The following KIF26B variants were observed in gnomAD, a reference collection of about 807,000 sequenced individuals.
KIF26B encodes kinesin family member 26B.
In KIF26B, 63 loss-of-function variants were observed where a neutral mutation model predicts 151.2. That is an observed-to-expected ratio of 0.42 (90% CI 0.34 to 0.51). The LOEUF (loss-of-function observed/expected upper bound fraction) is 0.51, where lower values mean the gene tolerates loss of function less well. KIF26B is among the 20% of genes least tolerant of loss of function. The probability of loss-of-function intolerance (pLI) is 0.07; values close to 1 mark genes in which losing one functional copy is unlikely to be tolerated. For synonymous variants in KIF26B, 1,357 were observed against 1,262.1 expected (o/e 1.08, Z -1.59); for missense variants, 2,813 against 2,913.6 (o/e 0.97, Z 0.79).
chr1:245,242,852 A>G (rs1326439836), intron 2 of KIF26B, among the ~76,000 whole-genome samples: 2 of 152,094 alleles, frequency 1.3e-5, no homozygotes, highest in Admixed American at 6.6e-5. Context: ...GGGTTTCACC[A>G]TGTTGCTCAG....
intron 2 of KIF26B, among the ~76,000 whole-genome samples, chr1:245,223,980 GT>G (rs1289486669): frequency 1.3e-5 from 2 of 152,096 alleles, no homozygotes; most frequent in Non-Finnish European, 2.9e-5. Flanking sequence ...CTGAATACAT[GT>G]TCTTTTAATA....
At chr1:245,464,572 G>GGT (rs999415943) in intron 4 of KIF26B, among the ~76,000 whole-genome samples, 4 of 145,178 alleles carry the variant, frequency 2.8e-5, no homozygotes, top group Non-Finnish European at 4.5e-5. Flanking sequence ...TGGGTGTGTG[G>GGT]GTGTGTGTGC....
intron 2 of KIF26B, among the ~76,000 whole-genome samples, chr1:245,266,631 C>T (rs932181246): frequency 2.6e-5 from 4 of 152,040 alleles, no homozygotes; most frequent in Non-Finnish European, 2.9e-5. Flanking sequence ...TTCAGCCTCC[C>T]GATTAGCTGG....
At chr1:245,283,975 T>C (rs10924149) in intron 2 of KIF26B, among the ~76,000 whole-genome samples, 90,297 of 152,070 alleles carry the variant, frequency 0.59, 27,205 homozygotes, top group East Asian at 0.7. Flanking sequence ...CGTGAGCCGC[T>C]GCGCACCGCA....
chr1:245,619,687 A>C (rs111356749), intron 9 of KIF26B, among the ~76,000 whole-genome samples: 6,664 of 150,646 alleles, frequency 0.044, 222 homozygotes, highest in African/African-American at 0.082. Flanking sequence ...CTGAGGCCGG[A>C]GGATCACTTG....
At chr1:245,647,806 G>A (rs2043970559) in intron 10 of KIF26B, among the ~76,000 whole-genome samples, 2 of 152,144 alleles carry the variant, frequency 1.3e-5, no homozygotes, top group African/African-American at 4.8e-5. Flanking sequence ...AACCATTACT[G>A]GACTGACTTT....
At chr1:245,378,316 G>A (rs1424107133) in intron 3 of KIF26B, among the ~76,000 whole-genome samples, 1 of 151,372 alleles carries the variant, frequency 6.6e-6, no homozygotes, top group East Asian at 1.9e-4. Context: ...CCTTTTTGAT[G>A]TGGGTGAGAG....
At chr1:245,676,116 C>G (rs2044354328) in intron 10 of KIF26B, 1 of 152,128 alleles carries the variant, frequency 6.6e-6, no homozygotes, top group Non-Finnish European at 1.5e-5. Flanking sequence ...AAAGAGTTTT[C>G]AATCTTGACA....
rs1030565183 is a variant in KIF26B at position 245,512,123 on chromosome 1, G to A, written c.1167-28644G>A. ...TTTTAAAAAAAGTCCATACGGTAAT[G>A]TTAATGCAGCTATTTCTGGCTTCTT... On this transcript the variant is annotated intron_variant, in intron 4 of 14. Transcript: ENST00000407071. This position sits in a 1 kb window ranked among gnomAD's most constrained non-coding sequence, Gnocchi z 4.3. Among the ~76,000 whole-genome samples, 1 of 152,202 alleles carries A rather than the reference G, an allele frequency of 6.6e-6. No homozygotes were observed. The highest frequency in any genetic ancestry group is 2.4e-5 in the African/African-American group (1 of 41,450).
At chr1:245,619,628 T>C in intron 9 of KIF26B, among the ~76,000 whole-genome samples, 2 of 131,358 alleles carry the variant, frequency 1.5e-5, no homozygotes, top group African/African-American at 2.9e-5. Context: ...AAAAAGAATC[T>C]CTGGGCTGGG....
At chr1:245,324,498 C>T (rs544993189) in intron 2 of KIF26B, among the ~76,000 whole-genome samples, 2 of 152,284 alleles carry the variant, frequency 1.3e-5, no homozygotes, top group South Asian at 4.1e-4. Context: ...CTGCAGAGAA[C>T]ATTTTCTGTA....
chr1:245,299,861 G>A lies in KIF26B; in HGVS notation c.466-66973G>A, dbSNP rs77374778. Among the ~76,000 whole-genome samples the A allele has an allele frequency of 9.5e-3, 1,444 of 152,300 alleles. 28 individuals are homozygous for A. Among genetic ancestry groups the A allele is most frequent in the African/African-American group, 0.033 (1,361 of 41,560 alleles). On this transcript the variant is annotated intron_variant, in intron 2 of 14. Coordinates refer to ENST00000407071, the MANE Select transcript of KIF26B (RefSeq NM_018012.4). ...ACTAAATAAGTCTCCTTGTACTGTAGTAACTCTCATGACTAAGGTCTGCAG... is the reference window on the plus strand; with the variant it reads ...ACTAAATAAGTCTCCTTGTACTGTAATAACTCTCATGACTAAGGTCTGCAG...
intron 10 of KIF26B, among the ~76,000 whole-genome samples, chr1:245,661,515 A>G (rs10802238): frequency 0.68 from 102,669 of 151,286 alleles, 34,982 homozygotes; most frequent in East Asian, 0.82. Flanking sequence ...CACCATATAT[A>G]TTATATACAA....
At chr1:245,261,313 T>G (rs1195967658) in intron 2 of KIF26B, among the ~76,000 whole-genome samples, 1 of 152,052 alleles carries the variant, frequency 6.6e-6, no homozygotes, top group African/African-American at 2.4e-5. Flanking sequence ...GTATTTTTAG[T>G]AGAGACAGGG....
intron 2 of KIF26B, among the ~76,000 whole-genome samples, chr1:245,172,906 C>G (rs1348266950): frequency 6.6e-6 from 1 of 152,184 alleles, no homozygotes; most frequent in East Asian, 1.9e-4. Context: ...TCAGTTTTAA[C>G]AAGTGATGAT....
chr1:245,191,447 C>T (rs1669108148), intron 2 of KIF26B, among the ~76,000 whole-genome samples: 1 of 152,048 alleles, frequency 6.6e-6, no homozygotes. Flanking sequence ...TACACACCCA[C>T]CTGGGCAATA....
rs747204236 is a variant in KIF26B at position 245,585,532 on chromosome 1, GA to G, written c.1351-17033del. ...GGGCTGCCGTTCCTTCTCCACTAGGGAAAAAAAAAAAAGATGTTTCTCTGTC... is the reference window on the plus strand; with the variant it reads ...GGGCTGCCGTTCCTTCTCCACTAGGGAAAAAAAAAAAGATGTTTCTCTGTC... On this transcript the variant is annotated intron_variant, in intron 5 of 14. Transcript: ENST00000407071. 1.3e-3 allele frequency among the ~76,000 whole-genome samples: 188 copies of G among 143,572 alleles called. No individual in the cohort carries two copies. In the East Asian group the frequency reaches 0.015, roughly 11 times the overall value. 94.2% of individuals were successfully genotyped at this position (143,572 alleles called of 152,430 possible).
intron 2 of KIF26B, among the ~76,000 whole-genome samples, chr1:245,220,039 A>C (rs1257880431): frequency 1.3e-5 from 2 of 152,176 alleles, no homozygotes; most frequent in Admixed American, 6.5e-5. Context: ...GTGAGAGCCC[A>C]GGGGGACAGC....
At chr1:245,456,828 A>T (rs541408007) in intron 4 of KIF26B, among the ~76,000 whole-genome samples, 1 of 152,364 alleles carries the variant, frequency 6.6e-6, no homozygotes, top group East Asian at 1.9e-4. Flanking sequence ...AAGGGGCTAC[A>T]TAAATGCTTT....
Sources: gnomAD v4.1 joint callset for allele counts (sites outside exome capture counted in the v4.1 genomes callset) on GRCh38, gnomAD v4.1.1 for gene constraint, Gnocchi (gnomAD v3.1) non-coding constraint, MANE v1.5 for transcripts, NCBI Gene and HGNC (gene_info 2026-07-23, HGNC 2026-07-21) for gene names.